Variants in ANO6 observed in about 807,000 individuals in gnomAD.
ANO6 encodes the protein anoctamin 6.
ANO6 carries 106 observed loss-of-function variants against 117.5 expected under a neutral mutation model. The ratio of observed to expected loss-of-function variants is 0.90; its 90% CI spans 0.77 to 1.06. The LOEUF (loss-of-function observed/expected upper bound fraction) is 1.06, where lower values mean the gene tolerates loss of function less well. ANO6 is among the 50% of genes least tolerant of loss of function. The pLI, the probability that ANO6 is intolerant of heterozygous loss-of-function variation, is 0.00. For missense variants in ANO6, 955 were observed against 1,121.1 expected (o/e 0.85, Z 2.12); for synonymous variants, 367 against 385.1 (o/e 0.95, Z 0.55).
At chr12:45,372,229 G>C (rs1412646726) in intron 9 of ANO6, among the ~76,000 whole-genome samples, 2 of 148,056 alleles carry the variant, frequency 1.4e-5, no homozygotes, top group Non-Finnish European at 3.0e-5. Flanking sequence ...CCAAATCTAC[G>C]TCTGATTGGT....
chr12:45,237,824 G>A (rs186111840), intron 1 of ANO6, among the ~76,000 whole-genome samples: 2,717 of 152,154 alleles, frequency 0.018, 48 homozygotes, highest in East Asian at 0.068. Context: ...CAGTATGGCC[G>A]TTTTCACAAT....
chr12:45,216,728 C>T (rs922446754), intron 1 of ANO6, among the ~76,000 whole-genome samples: 7 of 152,248 alleles, frequency 4.6e-5, no homozygotes, highest in African/African-American at 1.7e-4. Flanking sequence ...CCCCGACTCG[C>T]AGAGTGCTAG....
intron 16 of ANO6, among the ~76,000 whole-genome samples, chr12:45,410,914 C>A (rs756382346): frequency 1.3e-5 from 2 of 152,152 alleles, no homozygotes; most frequent in Admixed American, 6.5e-5. Context: ...AGCCTGGAGC[C>A]TGTTTTGAAT....
chr12:45,290,833 A>G (rs186758299), intron 1 of ANO6, among the ~76,000 whole-genome samples: 12 of 152,338 alleles, frequency 7.9e-5, no homozygotes, highest in Admixed American at 2.0e-4. Context: ...CCAAATACCA[A>G]AACAATTCTG....
intron 3 of ANO6, among the ~76,000 whole-genome samples, chr12:45,334,343 A>G (rs1367532458): frequency 6.6e-6 from 1 of 152,106 alleles, no homozygotes; most frequent in Non-Finnish European, 1.5e-5. Flanking sequence ...GTCTAGAGAT[A>G]CAGCCATTTC....
At chr12:45,427,510 G>C (rs1039111982) in intron 19 of ANO6, among the ~76,000 whole-genome samples, 1 of 152,068 alleles carries the variant, frequency 6.6e-6, no homozygotes, top group Non-Finnish European at 1.5e-5. Context: ...GCTCACTTAG[G>C]CATATCCAGA....
chr12:45,328,748 T>G (rs1444446625), intron 2 of ANO6, among the ~76,000 whole-genome samples: 1 of 152,168 alleles, frequency 6.6e-6, no homozygotes, highest in Non-Finnish European at 1.5e-5. Flanking sequence ...TAGTTGTCTA[T>G]TATTACAGTT....
chr12:45,280,163 G>T (rs545843824), intron 1 of ANO6, among the ~76,000 whole-genome samples: 1 of 152,306 alleles, frequency 6.6e-6, no homozygotes, highest in African/African-American at 2.4e-5. Context: ...ATCAGGAAAT[G>T]TGTCCTTCCC....
intron 15 of ANO6, among the ~76,000 whole-genome samples, chr12:45,407,721 T>C (rs1942978862): frequency 6.6e-6 from 1 of 151,960 alleles, no homozygotes. Flanking sequence ...CAACAGAAAA[T>C]CCCATTCAGC....
At chr12:45,262,568 G>C (rs1156449665) in intron 1 of ANO6, among the ~76,000 whole-genome samples, 2 of 152,108 alleles carry the variant, frequency 1.3e-5, no homozygotes, top group African/African-American at 4.8e-5. Flanking sequence ...GGGATTACAG[G>C]TGTGTGCCAC....
intron 2 of ANO6, among the ~76,000 whole-genome samples, chr12:45,325,300 G>A (rs1940423320): frequency 1.3e-5 from 2 of 152,254 alleles, no homozygotes; most frequent in South Asian, 4.2e-4. Context: ...AAAACCTACA[G>A]ATCATTATTC....
intron 2 of ANO6, among the ~76,000 whole-genome samples, chr12:45,325,710 G>T (rs889087612): frequency 1.1e-4 from 17 of 151,820 alleles, no homozygotes; most frequent in Admixed American, 6.6e-4. Flanking sequence ...CTGCTTTTCT[G>T]CAGATCACCT....
rs1942347165 is a variant in ANO6 at position 45,388,147 on chromosome 12, T to C, written c.1166-14T>C. The C allele has an allele frequency of 6.2e-7, 1 of 1,613,768 alleles. No homozygotes were observed. Among genetic ancestry groups the C allele is most frequent in the Non-Finnish European group, 8.5e-7 (1 of 1,179,754 alleles). ...CATTGAAAATCCACACAAGCTCTTCTGTCTCTCTGTTAGTTACCTTGTTTT... is the reference window on the plus strand; with the variant it reads ...CATTGAAAATCCACACAAGCTCTTCCGTCTCTCTGTTAGTTACCTTGTTTT... On this transcript the variant is annotated splice_polypyrimidine_tract_variant and intron_variant, in intron 10 of 19. Transcript: ENST00000320560.
chr12:45,344,282 A>G (rs998510406), intron 3 of ANO6, among the ~76,000 whole-genome samples: 4 of 152,220 alleles, frequency 2.6e-5, no homozygotes, highest in African/African-American at 9.6e-5. Context: ...ATGTTTGTAA[A>G]TGAACTAATG....
intron 19 of ANO6, 21 bp downstream of exon 19, chr12:45,423,083 AAC>A (rs1943408014): frequency 1.3e-6 from 2 of 1,554,930 alleles, no homozygotes; most frequent in Admixed American, 3.3e-5. Context: ...TATGCTTTCA[AAC>A]AGTTTATAAG....
intron 1 of ANO6, chr12:45,256,534 CAT>C (rs1235194331): frequency 6.7e-6 from 1 of 150,036 alleles, no homozygotes; most frequent in Non-Finnish European, 1.5e-5. Flanking sequence ...TAAAAAAAAT[CAT>C]AGAGGAAACT....
chr12:45,228,709 G>A (rs1669813095), intron 1 of ANO6, among the ~76,000 whole-genome samples: 1 of 152,088 alleles, frequency 6.6e-6, no homozygotes, highest in African/African-American at 2.4e-5. Flanking sequence ...TTTGGTGGAG[G>A]CAGGGCAGTC....
At position 45,431,790 on chromosome 12, in the gene ANO6, T is replaced by G. The variant is rs1420576340; in HGVS notation, c.*2479T>G. 1 of 985,324 alleles carries G rather than the reference T, an allele frequency of 1.0e-6. No homozygotes were observed. The highest frequency in any genetic ancestry group is 1.1e-4 in the East Asian group (1 of 8,830). 61.0% of individuals were successfully genotyped at this position (985,324 alleles called of 1,614,324 possible). A position where few individuals can be genotyped will look rare whatever the true frequency, so the allele number is the denominator to read the frequency against. ...AAATTGATGGGTGTGGCAGTGGACC[T>G]GTGAAGAGGGAGAATCTAGCCTTCA... On this transcript the variant is annotated 3_prime_UTR_variant, in exon 20 of 20. Transcript: ENST00000320560.
intron 16 of ANO6, among the ~76,000 whole-genome samples, chr12:45,410,171 C>T (rs59899152): frequency 0.013 from 2,054 of 152,268 alleles, 41 homozygotes; most frequent in African/African-American, 0.047. Flanking sequence ...AGCTGTTGGC[C>T]GATACAGTTC....
Sources: gnomAD v4.1 joint callset for allele counts (sites outside exome capture counted in the v4.1 genomes callset) on GRCh38, gnomAD v4.1.1 for gene constraint, MANE v1.5 for transcripts, NCBI Gene and HGNC (gene_info 2026-07-23, HGNC 2026-07-21) for gene names.